The following MAGI2 variants were observed in gnomAD, a reference collection of about 807,000 sequenced individuals.
MAGI2 encodes membrane-associated guanylate kinase, WW and PDZ domain-containing protein 2.
Under a neutral mutation model 133.3 loss-of-function variants are expected in MAGI2, and 35 were observed. That is an observed-to-expected ratio of 0.26 (90% CI 0.20 to 0.35). The LOEUF is 0.35. Among genes scored for constraint, MAGI2 ranks in the 10% least tolerant of loss-of-function variants. The probability of loss-of-function intolerance (pLI) is 1.00; values close to 1 mark genes in which losing one functional copy is unlikely to be tolerated. For missense variants in MAGI2, 1,636 were observed against 1,863.4 expected (o/e 0.88, Z 2.25); for synonymous variants, 729 against 710.6 (o/e 1.03, Z -0.41).
intron 1 of MAGI2, among the ~76,000 whole-genome samples, chr7:79,373,519 T>C (rs1174606147): frequency 3.3e-5 from 5 of 152,036 alleles, no homozygotes; most frequent in Non-Finnish European, 1.5e-5. Context: ...ATTCAATTAA[T>C]GTATTATCTA....
intron 2 of MAGI2, among the ~76,000 whole-genome samples, chr7:78,691,973 A>G (rs1392850043): frequency 1.3e-5 from 2 of 152,182 alleles, no homozygotes; most frequent in Non-Finnish European, 2.9e-5. Flanking sequence ...GGGCATGTTA[A>G]TAATGGGAAA....
At chr7:78,112,565 T>C (rs1004376635) in intron 20 of MAGI2, among the ~76,000 whole-genome samples, 2 of 152,258 alleles carry the variant, frequency 1.3e-5, no homozygotes, top group African/African-American at 4.8e-5. Flanking sequence ...CGCAATCCCA[T>C]GTCCTGGTTC....
intron 21 of MAGI2, among the ~76,000 whole-genome samples, chr7:78,032,009 C>CTTTTTTT (rs377672697): frequency 8.1e-6 from 1 of 124,196 alleles, no homozygotes; most frequent in Non-Finnish European, 1.7e-5. Context: ...AGCCCCCCCA[C>CTTTTTTT]TTTTTTTTTT....
intron 1 of MAGI2, among the ~76,000 whole-genome samples, chr7:79,448,743 T>C (rs1439126216): frequency 2.0e-5 from 3 of 152,144 alleles, no homozygotes; most frequent in African/African-American, 4.8e-5. Flanking sequence ...AATGTGAATA[T>C]GCTTTTCTCA....
chr7:78,853,835 A>G (rs1215072635), intron 2 of MAGI2, among the ~76,000 whole-genome samples: 1 of 152,082 alleles, frequency 6.6e-6, no homozygotes, highest in Non-Finnish European at 1.5e-5. Flanking sequence ...TGGAAGAGTT[A>G]GTCCTACTTT....
At chr7:79,190,003 C>G (rs1827512538) in intron 1 of MAGI2, among the ~76,000 whole-genome samples, 1 of 151,722 alleles carries the variant, frequency 6.6e-6, no homozygotes, top group Non-Finnish European at 1.5e-5. Flanking sequence ...GAATATACCA[C>G]AGTTTGTTCA....
rs897258710 is a variant in MAGI2 at position 78,762,286 on chromosome 7, A to T, written c.419-135047T>A. ...TGGTAAAACCCCATCCCTACTAAAA[A>T]TACAAAATTAGCCGGGCGTGGTGGT... On this transcript the variant is annotated intron_variant, in intron 2 of 21. Coordinates refer to ENST00000354212, the MANE Select transcript of MAGI2 (RefSeq NM_012301.4). 2.0e-5 allele frequency among the ~76,000 whole-genome samples: 3 copies of T among 152,138 alleles called. No homozygotes were observed. The East Asian group carries it at 5.8e-4, about 30-fold the overall frequency.
chr7:79,350,458 A>G (rs761144455), intron 1 of MAGI2, among the ~76,000 whole-genome samples: 1 of 152,164 alleles, frequency 6.6e-6, no homozygotes, highest in African/African-American at 2.4e-5. Context: ...CATATTATGA[A>G]GAAAAAAATT....
intron 1 of MAGI2, among the ~76,000 whole-genome samples, chr7:79,132,213 G>A (rs906677720): frequency 3.3e-5 from 5 of 151,970 alleles, no homozygotes; most frequent in South Asian, 4.1e-4. Flanking sequence ...ATTATATAGC[G>A]ATGAATTCTG....
intron 1 of MAGI2, among the ~76,000 whole-genome samples, chr7:79,219,423 T>A (rs1422790622): frequency 6.6e-6 from 1 of 152,056 alleles, no homozygotes; most frequent in African/African-American, 2.4e-5. Flanking sequence ...ATATGTTATA[T>A]GTATTTGGCA....
chr7:79,016,382 TC>T (rs1808733822), intron 1 of MAGI2, among the ~76,000 whole-genome samples: 1 of 152,118 alleles, frequency 6.6e-6, no homozygotes, highest in African/African-American at 2.4e-5. Flanking sequence ...CAGTGCAGCC[TC>T]AGAAATCTAG....
intron 21 of MAGI2, among the ~76,000 whole-genome samples, chr7:78,044,666 A>G (rs1811209245): frequency 6.9e-6 from 1 of 144,152 alleles, no homozygotes; most frequent in African/African-American, 2.6e-5. Flanking sequence ...GTGCCTTGTG[A>G]GGCTAATGTA....
chr7:78,944,519 A>AGCT (rs1801248657), intron 2 of MAGI2, among the ~76,000 whole-genome samples: 1 of 151,978 alleles, frequency 6.6e-6, no homozygotes, highest in African/African-American at 2.4e-5. Flanking sequence ...CCCTCCATAA[A>AGCT]ATACCCAAGC....
At chr7:79,450,356 A>C (rs1406919424) in intron 1 of MAGI2, among the ~76,000 whole-genome samples, 1 of 152,170 alleles carries the variant, frequency 6.6e-6, no homozygotes, top group Non-Finnish European at 1.5e-5. Context: ...ATTTTTTATA[A>C]TCATAAATAA....
chr7:78,577,000 T>C (rs1182992082), intron 3 of MAGI2, among the ~76,000 whole-genome samples: 4 of 152,226 alleles, frequency 2.6e-5, no homozygotes, highest in African/African-American at 9.6e-5. Flanking sequence ...AAAGTTGTTA[T>C]GCTTTTCTCT....
intron 1 of MAGI2, among the ~76,000 whole-genome samples, chr7:79,283,820 T>C (rs548042471): frequency 1.3e-5 from 2 of 152,164 alleles, no homozygotes; most frequent in Non-Finnish European, 2.9e-5. Context: ...CTACCTGATA[T>C]ACATTCATGT....
At chr7:78,926,515 T>C (rs771979214) in intron 2 of MAGI2, among the ~76,000 whole-genome samples, 1 of 151,958 alleles carries the variant, frequency 6.6e-6, no homozygotes, top group Non-Finnish European at 1.5e-5. Context: ...ATCCATACAG[T>C]TCCTGTCTTT....
At chr7:78,805,356 C>G (rs937397479) in intron 2 of MAGI2, among the ~76,000 whole-genome samples, 4 of 151,734 alleles carry the variant, frequency 2.6e-5, no homozygotes, top group Non-Finnish European at 5.9e-5. Flanking sequence ...TAATCATGTT[C>G]TTTCCTCTTT....
At chr7:78,969,666 T>C (rs1306761337) in intron 2 of MAGI2, among the ~76,000 whole-genome samples, 1 of 152,062 alleles carries the variant, frequency 6.6e-6, no homozygotes, top group South Asian at 2.1e-4. Flanking sequence ...AAGTAAACCT[T>C]AAAAGTGATA....
Sources: gnomAD v4.1 joint callset for allele counts (sites outside exome capture counted in the v4.1 genomes callset) on GRCh38, gnomAD v4.1.1 for gene constraint, MANE v1.5 for transcripts, NCBI Gene and HGNC (gene_info 2026-07-23, HGNC 2026-07-21) for gene names.